The following EFCAB11 variants were observed in gnomAD, a reference collection of about 807,000 sequenced individuals.
The protein encoded by EFCAB11 is EF-hand calcium binding domain 11, also known as EF-hand calcium-binding domain-containing protein 11.
EFCAB11 carries 14 observed loss-of-function variants against 23.0 expected under a neutral mutation model. That is an observed-to-expected ratio of 0.61 (90% confidence interval 0.40 to 0.95). The LOEUF is 0.95. Ranked by LOEUF, EFCAB11 falls within the 40% of genes least tolerant of loss-of-function variation. EFCAB11 has a pLI of 0.00. For missense variants in EFCAB11, 198 were observed against 195.8 expected (o/e 1.01, Z -0.07); for synonymous variants, 65 against 66.6 (o/e 0.98, Z 0.11).
At position 89,918,015 on chromosome 14, in the gene EFCAB11, C is replaced by A. The variant is rs375754555; in HGVS notation, c.410+13526G>T. ...GGGTGTGAATGCTGTGAGAAGCTGG[C>A]AACAATGAACCCTGAGAAAAAGGAC... On this transcript the variant is annotated intron_variant, in intron 5 of 5. Coordinates refer to ENST00000316738, the MANE Select transcript of EFCAB11 (RefSeq NM_145231.4). Among the ~76,000 whole-genome samples, 3 of 152,146 alleles carry A rather than the reference C, an allele frequency of 2.0e-5. No homozygotes were observed. In the East Asian group the frequency reaches 5.8e-4, roughly 29 times the overall value.
At chr14:89,850,365 A>G (rs1204658333) in intron 5 of EFCAB11, among the ~76,000 whole-genome samples, 1 of 152,188 alleles carries the variant, frequency 6.6e-6, no homozygotes, top group Non-Finnish European at 1.5e-5. Flanking sequence ...AGACTGTGCG[A>G]CCCACAGTGT....
chr14:89,796,653 G>A lies in EFCAB11; in HGVS notation c.*590C>T, dbSNP rs45575635. On this transcript the variant is annotated 3_prime_UTR_variant, in exon 6 of 6. Coordinates refer to ENST00000316738, the MANE Select transcript of EFCAB11 (RefSeq NM_145231.4). The stretch of plus-strand genomic sequence containing the variant: ...TTCCCAAGGCCTGGCTGATTGCTTG[G>A]AACATAGTAAGTATTCTGTATGTGT... 1 of 152,116 alleles carries A rather than the reference G, an allele frequency of 6.6e-6. No individual in the cohort carries two copies. Among genetic ancestry groups the A allele is most frequent in the Non-Finnish European group, 1.5e-5 (1 of 68,038 alleles). The allele number at this position is 152,116 out of a possible 1,614,324, so 9.4% of individuals were successfully genotyped here.
intron 5 of EFCAB11, among the ~76,000 whole-genome samples, chr14:89,804,887 T>C (rs1367497818): frequency 6.6e-6 from 1 of 152,254 alleles, no homozygotes; most frequent in African/African-American, 2.4e-5. Flanking sequence ...ATACATGTCT[T>C]ATTAATAATA....
rs538970381 is a variant in EFCAB11, at chr14:89,933,406, TA to T, written c.218-780del. On this transcript the variant is annotated intron_variant, in intron 3 of 5. Transcript: ENST00000316738. ...TCATTTTTATAACTCAGAATTTCCA[TA>T]AAAAAATTATCACTGTTTTAAAAAT... is the stretch of plus-strand genomic sequence containing the variant. Among the ~76,000 whole-genome samples the T allele has an allele frequency of 3.2e-3, 457 of 144,574 alleles. 1 individual carries two copies. The highest frequency in any genetic ancestry group is 4.4e-3 in the Admixed American group (63 of 14,188). 94.8% of individuals were successfully genotyped at this position (144,574 alleles called of 152,430 possible).
intron 5 of EFCAB11, among the ~76,000 whole-genome samples, chr14:89,805,169 TC>T (rs1284037761): frequency 6.6e-6 from 1 of 152,178 alleles, no homozygotes; most frequent in East Asian, 1.9e-4. Flanking sequence ...GCCTAACAAT[TC>T]CATGGACATT....
Position 89,954,574 on chromosome 14 carries a change from C to A in EFCAB11, c.75+12G>T. On this transcript the variant is annotated intron_variant, in intron 1 of 5. Transcript: ENST00000316738. ...CTGAAGTCCGAGGCTCAGTCGCCCT[C>A]CGGAAACCTACTTCCACCCACTTCC... 3.1e-6 allele frequency: 5 copies of A among 1,613,422 alleles called. No individual in the cohort carries two copies. Among genetic ancestry groups the A allele is most frequent in the Non-Finnish European group, 4.2e-6 (5 of 1,179,806 alleles).
At chr14:89,897,882 T>C (rs1348139920) in intron 5 of EFCAB11, among the ~76,000 whole-genome samples, 1 of 152,170 alleles carries the variant, frequency 6.6e-6, no homozygotes, top group African/African-American at 2.4e-5. Flanking sequence ...TAAATACGGT[T>C]GAAAATAAGG....
intron 5 of EFCAB11, among the ~76,000 whole-genome samples, chr14:89,823,568 A>G (rs191736456): frequency 6.6e-6 from 1 of 152,338 alleles, no homozygotes; most frequent in East Asian, 1.9e-4. Context: ...AAACATTACT[A>G]TACATGCTAA....
intron 5 of EFCAB11, among the ~76,000 whole-genome samples, chr14:89,846,100 C>T (rs879435160): frequency 1.3e-5 from 2 of 152,156 alleles, no homozygotes; most frequent in African/African-American, 2.4e-5. Flanking sequence ...ACCTATCTTG[C>T]GGAGTTATAA....
chr14:89,873,054 A>G (rs1888331184), intron 5 of EFCAB11, among the ~76,000 whole-genome samples: 1 of 152,222 alleles, frequency 6.6e-6, no homozygotes, highest in Non-Finnish European at 1.5e-5. Flanking sequence ...TATTAGTATT[A>G]GTATTAGTCT....
In EFCAB11 at chr14:89,796,825, G is replaced by A. The variant is rs948353572; in HGVS notation, c.*418C>T. ...CAATGAAGTGAGTGAGTAGAGCACCGTGGCCTGCAGTGTGGAGAGGGTAGG... is the reference window on the plus strand; with the variant it reads ...CAATGAAGTGAGTGAGTAGAGCACCATGGCCTGCAGTGTGGAGAGGGTAGG... On this transcript the variant is annotated 3_prime_UTR_variant, in exon 6 of 6. Coordinates refer to ENST00000316738, the MANE Select transcript of EFCAB11 (RefSeq NM_145231.4). 4 of 157,060 alleles carry A rather than the reference G, an allele frequency of 2.5e-5. No individual in the cohort carries two copies. The highest frequency in any genetic ancestry group is 1.3e-4 in the Admixed American group (2 of 15,958). The allele number at this position is 157,060 out of a possible 1,614,324, so 9.7% of individuals were successfully genotyped here. A position where few individuals can be genotyped will look rare whatever the true frequency, so the allele number is the denominator to read the frequency against.
At chr14:89,874,773 T>C (rs1371357732) in intron 5 of EFCAB11, among the ~76,000 whole-genome samples, 3 of 151,940 alleles carry the variant, frequency 2.0e-5, no homozygotes, top group African/African-American at 7.3e-5. Context: ...GCCCCTGTAG[T>C]CCCAGCTACT....
chr14:89,950,520 A>G (rs957184995), intron 2 of EFCAB11, among the ~76,000 whole-genome samples: 1 of 152,108 alleles, frequency 6.6e-6, no homozygotes, highest in Non-Finnish European at 1.5e-5. Context: ...TTTTTTTCCT[A>G]ATTATAAAAG....
chr14:89,829,193 G>A (rs1481546777), intron 5 of EFCAB11, among the ~76,000 whole-genome samples: 1 of 152,172 alleles, frequency 6.6e-6, no homozygotes, highest in Non-Finnish European at 1.5e-5. Flanking sequence ...TTCTGACGGT[G>A]CAGGAAATAT....
intron 5 of EFCAB11, among the ~76,000 whole-genome samples, chr14:89,908,132 T>G (rs1320397491): frequency 6.6e-6 from 1 of 152,214 alleles, no homozygotes; most frequent in African/African-American, 2.4e-5. Flanking sequence ...TTAATACCCA[T>G]TTGTCTGTTG....
At chr14:89,832,168 C>A (rs1489030097) in intron 5 of EFCAB11, among the ~76,000 whole-genome samples, 1 of 152,052 alleles carries the variant, frequency 6.6e-6, no homozygotes, top group Non-Finnish European at 1.5e-5. Flanking sequence ...TAAAAATTAG[C>A]CAGACGTGGT....
intron 5 of EFCAB11, among the ~76,000 whole-genome samples, chr14:89,872,760 T>C (rs1021954731): frequency 2.0e-5 from 3 of 151,990 alleles, no homozygotes; most frequent in Admixed American, 1.3e-4. Flanking sequence ...AATATGACTG[T>C]ATCCTTATGA....
chr14:89,943,352 C>A (rs920526928), intron 3 of EFCAB11, among the ~76,000 whole-genome samples: 2 of 151,306 alleles, frequency 1.3e-5, no homozygotes, highest in African/African-American at 4.9e-5. Flanking sequence ...CTCAAGCAAT[C>A]CTCTACCTCA....
chr14:89,941,584 C>CTT (rs201529202), intron 3 of EFCAB11, among the ~76,000 whole-genome samples: 104 of 142,722 alleles, frequency 7.3e-4, no homozygotes, highest in Non-Finnish European at 9.5e-4. Context: ...CTTTTTAGTA[C>CTT]TTTTTTTTTT....
Sources: gnomAD v4.1 joint callset for allele counts (sites outside exome capture counted in the v4.1 genomes callset) on GRCh38, gnomAD v4.1.1 for gene constraint, MANE v1.5 for transcripts, NCBI Gene and HGNC (gene_info 2026-07-23, HGNC 2026-07-21) for gene names.